MED24: variants seen among roughly 807,000 people sequenced by gnomAD.
MED24 encodes mediator of RNA polymerase II transcription subunit 24.
MED24 carries 74 observed loss-of-function variants against 118.8 expected under a neutral mutation model. That is an observed-to-expected ratio of 0.62 (90% CI 0.52 to 0.76). The LOEUF (loss-of-function observed/expected upper bound fraction) is 0.76. Among genes scored for constraint, MED24 ranks in the 30% least tolerant of loss-of-function variants. MED24 has a pLI of 0.00. For synonymous variants in MED24, 521 were observed against 523.9 expected (o/e 0.99, Z 0.08); for missense variants, 1,041 against 1,278.9 (o/e 0.81, Z 2.84).
chr17:40,040,005 G>A (rs1399324245), intron 3 of MED24, among the ~76,000 whole-genome samples: 1 of 151,352 alleles, frequency 6.6e-6, no homozygotes, highest in African/African-American at 2.4e-5. Context: ...GGATGGTCAC[G>A]ATCTCCTGAC....
chr17:40,046,623 G>A (rs1232886619), intron 3 of MED24, among the ~76,000 whole-genome samples: 1 of 149,580 alleles, frequency 6.7e-6, no homozygotes, highest in Non-Finnish European at 1.5e-5. Flanking sequence ...GCGGGCGCCT[G>A]TAGTCCCAGC....
chr17:40,054,101 C>A, intron 1 of MED24: 1 of 202,254 alleles, frequency 4.9e-6, no homozygotes, highest in Non-Finnish European at 1.0e-5. Context: ...CCATTGCACT[C>A]CAGCCTGGGC....
intron 3 of MED24, among the ~76,000 whole-genome samples, chr17:40,051,075 G>A (rs939109032): frequency 6.7e-6 from 1 of 150,270 alleles, no homozygotes; most frequent in African/African-American, 2.5e-5. Context: ...GGCAGAGGTT[G>A]CGGTGAGCCA....
At chr17:40,032,831 G>A in intron 8 of MED24, 69 bp from the exon 9 acceptor site, 1 of 1,462,468 alleles carries the variant, frequency 6.8e-7, no homozygotes, top group Non-Finnish European at 9.5e-7. Flanking sequence ...TGGACTCTGA[G>A]GATTTGGCTG....
At chr17:40,023,031 G>T in intron 20 of MED24, 100 bp downstream of exon 20, 1 of 1,487,498 alleles carries the variant, frequency 6.7e-7, no homozygotes, top group East Asian at 2.3e-5. Flanking sequence ...AGGCCACCTG[G>T]CTCACGGCAG....
At chr17:40,044,153 C>CA (rs58516715) in intron 3 of MED24, among the ~76,000 whole-genome samples, 118 of 102,672 alleles carry the variant, frequency 1.1e-3, no homozygotes, top group Middle Eastern at 5.7e-3. Context: ...AAAGCCGTAA[C>CA]AAAAAAAAAA....
Position 40,026,201 on chromosome 17 carries a change from G to A in MED24, c.1940C>T (p.Ala647Val). The A allele has an allele frequency of 1.2e-6, 2 of 1,614,234 alleles. No individual in the cohort carries two copies. The highest frequency in any genetic ancestry group is 1.7e-6 in the Non-Finnish European group (2 of 1,180,054). ...GGTGTTCTCACTAAACAGTGGCCCTGCCAGCTGGCGGATCATCTGCAGCGA... is the reference window on the plus strand; with the variant it reads ...GGTGTTCTCACTAAACAGTGGCCCTACCAGCTGGCGGATCATCTGCAGCGA... ...EKSLQMIRQL[A>V]GPLFSENTLQ... The change falls in exon 19 of 26, where the codon GCA (alanine) becomes GTA (valine). Residue 647 changes from alanine (A) to valine (V), a missense_variant. Physicochemically the swap from Ala to Val is moderately conservative, Grantham distance 64. Around this residue, in one of 3 missense-constraint regions of MED24, gnomAD observed 587 missense variants for 694.4 expected, o/e 0.85. Coordinates refer to ENST00000394128, the MANE Select transcript of MED24 (RefSeq NM_014815.4).
intron 1 of MED24, 186 bp from the exon 2 acceptor site, chr17:40,053,821 C>T (rs2145014885): frequency 2.7e-6 from 2 of 751,406 alleles, no homozygotes; most frequent in East Asian, 5.4e-5. Flanking sequence ...AACCGCCCTT[C>T]CTTAAACTGG....
chr17:40,022,275 G>A (rs1045329723), intron 22 of MED24, 119 bp downstream of exon 22: 1 of 1,135,324 alleles, frequency 8.8e-7, no homozygotes, highest in Admixed American at 2.2e-5. Context: ...ATCATGCCCA[G>A]GCACAGCTGC....
chr17:40,021,956 G>A lies in MED24; in HGVS notation c.2622C>T (p.Pro874=), dbSNP rs1235311567. The A allele has an allele frequency of 3.8e-6, 6 of 1,594,058 alleles. No individual in the cohort carries two copies. Among genetic ancestry groups the A allele is most frequent in the Non-Finnish European group, 5.1e-6 (6 of 1,169,098 alleles). The part of the protein sequence containing the change: ...NEDDANILSS[P]TDRSMSSSLS... ...CGCGCGGCCAGCCCACACACTCACTGGGGCTCGAAAGGATGTTGGCATCGT... is the reference window on the plus strand; with the variant it reads ...CGCGCGGCCAGCCCACACACTCACTAGGGCTCGAAAGGATGTTGGCATCGT... Residue 874 remains proline (P), a splice_region_variant and synonymous_variant, in exon 23 of 26, where the codon CCC becomes CCT. Coordinates refer to ENST00000394128, the MANE Select transcript of MED24 (RefSeq NM_014815.4).
intron 4 of MED24, 46 bp downstream of exon 4, chr17:40,036,070 C>T (rs1487080716): frequency 6.3e-7 from 1 of 1,579,456 alleles, no homozygotes; most frequent in Non-Finnish European, 8.7e-7. Context: ...GAGGCGGGGC[C>T]TTGTCTGTCA....
Position 40,033,715 on chromosome 17 carries a change from G to A in MED24, c.560-259C>T, listed in dbSNP as rs1325010049. 2 of 616,470 alleles carry A rather than the reference G, an allele frequency of 3.2e-6. No homozygotes were observed. The highest frequency in any genetic ancestry group is 3.0e-5 in the South Asian group (2 of 65,938). The allele number at this position is 616,470 out of a possible 1,614,324, so 38.2% of individuals were successfully genotyped here. On this transcript the variant is annotated intron_variant, in intron 6 of 25. Coordinates refer to ENST00000394128, the MANE Select transcript of MED24 (RefSeq NM_014815.4). This position sits in a 1 kb window ranked among gnomAD's most constrained non-coding sequence, Gnocchi z 5.2. ...GGGACACAGCCAGCTGACTTCAGAA[G>A]GTATGGCATCACACAGGCTCAGGAG...
intron 19 of MED24, 36 bp downstream of exon 19, chr17:40,026,120 C>A: frequency 6.3e-7 from 1 of 1,593,106 alleles, no homozygotes. Flanking sequence ...TCACAACACA[C>A]TTGAAGGGTC....
Position 40,033,262 on chromosome 17 carries a change from G to A in MED24, c.672-56C>T. 1 of 1,612,284 alleles carries A rather than the reference G, an allele frequency of 6.2e-7. No individual in the cohort carries two copies. Among genetic ancestry groups the A allele is most frequent in the Non-Finnish European group, 8.5e-7 (1 of 1,179,646 alleles). On this transcript the variant is annotated intron_variant, in intron 7 of 25. Coordinates refer to ENST00000394128, the MANE Select transcript of MED24 (RefSeq NM_014815.4). This position sits in a 1 kb window ranked among gnomAD's most constrained non-coding sequence, Gnocchi z 5.2. ...TTGGGGGGCCAAAGGTGAAGGCGGA[G>A]AGGATGGCACGGGTGCCACATCTTC...
intron 19 of MED24, chr17:40,023,688 T>A: frequency 3.1e-6 from 1 of 325,106 alleles, no homozygotes; most frequent in Non-Finnish European, 5.6e-6. Flanking sequence ...ATTCTCCAAC[T>A]TCCCCCATCC....
At chr17:40,045,290 A>C (rs745450562) in intron 3 of MED24, among the ~76,000 whole-genome samples, 1 of 151,960 alleles carries the variant, frequency 6.6e-6, no homozygotes. Flanking sequence ...CTCTACTAAA[A>C]ATAAAAAAAT....
At chr17:40,038,691 C>A (rs1241892064) in intron 3 of MED24, among the ~76,000 whole-genome samples, 8 of 141,928 alleles carry the variant, frequency 5.6e-5, no homozygotes, top group African/African-American at 7.9e-5. Context: ...AGCCTGATGA[C>A]AGAGCAAGAC....
In MED24 at chr17:40,019,678, C is replaced by T. The variant is rs117830560; in HGVS notation, c.2854-33G>A. On this transcript the variant is annotated intron_variant, in intron 25 of 25. Coordinates refer to ENST00000394128, the MANE Select transcript of MED24 (RefSeq NM_014815.4). Reference sequence around the variant, plus strand: ...GGACAGACAGATGCTGCTTGCGGGACGGCTGGTGGTGGGTGTGCTGTCCCA... The same window carrying T: ...GGACAGACAGATGCTGCTTGCGGGATGGCTGGTGGTGGGTGTGCTGTCCCA... 4.0e-3 allele frequency: 6,270 copies of T among 1,579,916 alleles called. 22 individuals carry two copies. The highest frequency in any genetic ancestry group is 4.7e-3 in the Non-Finnish European group (5,414 of 1,158,866).
chr17:40,029,721 G>A (rs750304482), intron 13 of MED24, 27 bp downstream of exon 13: 1 of 1,590,266 alleles, frequency 6.3e-7, no homozygotes, highest in East Asian at 2.2e-5. Context: ...AGAGAAGACT[G>A]TGGTGGCCAG....
Sources: allele counts gnomAD v4.1 joint callset (sites outside exome capture counted in the v4.1 genomes callset), GRCh38; gene constraint gnomAD v4.1.1; regional missense constraint gnomAD v4.1.1; non-coding constraint Gnocchi (gnomAD v3.1); transcripts MANE v1.5; gene names NCBI Gene and HGNC (gene_info 2026-07-23, HGNC 2026-07-21).